Variants in CTTNBP2 observed in about 807,000 individuals in gnomAD.
The protein encoded by CTTNBP2 is cortactin-binding protein 2.
Under a neutral mutation model 156.9 loss-of-function variants are expected in CTTNBP2, and 108 were observed. That is an observed-to-expected ratio of 0.69 (90% confidence interval 0.59 to 0.81). The LOEUF (loss-of-function observed/expected upper bound fraction) is 0.81, where lower values mean the gene tolerates loss of function less well. Ranked by LOEUF, CTTNBP2 falls within the 30% of genes least tolerant of loss-of-function variation. CTTNBP2 has a pLI of 0.00. For missense variants in CTTNBP2, 1,924 were observed against 2,035.4 expected, an observed-to-expected ratio of 0.95 and a Z score of 1.05; for synonymous variants, 767 against 751.8, an observed-to-expected ratio of 1.02 and a Z score of -0.33.
At chr7:117,862,677 C>A (rs955935867) in intron 1 of CTTNBP2, among the ~76,000 whole-genome samples, 2 of 152,152 alleles carry the variant, frequency 1.3e-5, no homozygotes, top group African/African-American at 4.8e-5. Context: ...CAACATTTAT[C>A]CCCAAATCTC....
At chr7:117,832,566 T>G (rs1221717631) in intron 2 of CTTNBP2, among the ~76,000 whole-genome samples, 1 of 151,952 alleles carries the variant, frequency 6.6e-6, no homozygotes, top group Admixed American at 6.6e-5. Flanking sequence ...ACTCATCTCC[T>G]CCTTTCTCCC....
intron 8 of CTTNBP2, 98 bp from the exon 9 acceptor site, chr7:117,767,274 G>T (rs1388350152): frequency 4.1e-6 from 3 of 733,262 alleles, no homozygotes; most frequent in Non-Finnish European, 7.5e-6. Flanking sequence ...ATCACATCAA[G>T]AATTCATGGC....
Position 117,732,684 on chromosome 7 carries a change from AAACT to A in CTTNBP2, c.3876+2225_3876+2228del, listed in dbSNP as rs577399859. ...AAAAAAAAAAAAAAGTCAGGCACAG[AAACT>A]AACTTTGTATTTTACAAGAAAGAAG... On this transcript the variant is annotated intron_variant, in intron 16 of 22. Transcript: ENST00000160373. Among the ~76,000 whole-genome samples the A allele has an allele frequency of 7.1e-4, 108 of 151,842 alleles. 3 individuals are homozygous for A. The highest frequency in any genetic ancestry group is 2.5e-3 in the African/African-American group (104 of 41,466).
chr7:117,817,333 C>CAAAAAAAA (rs1165563266), intron 2 of CTTNBP2, among the ~76,000 whole-genome samples: 3 of 27,214 alleles, frequency 1.1e-4, no homozygotes, highest in Non-Finnish European at 1.7e-4. Flanking sequence ...GACTCCATCT[C>CAAAAAAAA]AAAAAAAAAA....
intron 2 of CTTNBP2, among the ~76,000 whole-genome samples, chr7:117,845,053 G>A (rs1485444442): frequency 6.6e-6 from 1 of 152,202 alleles, no homozygotes; most frequent in East Asian, 1.9e-4. Flanking sequence ...AGTGAGGGCA[G>A]TCAGCAAGGT....
At chr7:117,814,585 G>A (rs1463074569) in intron 2 of CTTNBP2, among the ~76,000 whole-genome samples, 5 of 151,976 alleles carry the variant, frequency 3.3e-5, no homozygotes, top group African/African-American at 9.7e-5. Context: ...GTGCCACTAC[G>A]CCCAGCTAAT....
intron 8 of CTTNBP2, among the ~76,000 whole-genome samples, chr7:117,775,915 T>A (rs1242078475): frequency 6.6e-6 from 1 of 152,200 alleles, no homozygotes; most frequent in Non-Finnish European, 1.5e-5. Context: ...ACAACAAAAC[T>A]ACTGCTAACA....
At chr7:117,759,196 A>G (rs1320881673) in intron 10 of CTTNBP2, among the ~76,000 whole-genome samples, 2 of 152,044 alleles carry the variant, frequency 1.3e-5, no homozygotes, top group African/African-American at 4.8e-5. Context: ...GCTGCCTCAA[A>G]CTCCTGGGCT....
At chr7:117,722,549 A>AT (rs1239296941) in intron 19 of CTTNBP2, among the ~76,000 whole-genome samples, 4 of 152,190 alleles carry the variant, frequency 2.6e-5, no homozygotes, top group African/African-American at 9.7e-5. Context: ...AATACAAATA[A>AT]TTTCAAGTCT....
intron 2 of CTTNBP2, among the ~76,000 whole-genome samples, chr7:117,858,896 A>G (rs1206259893): frequency 6.6e-6 from 1 of 152,136 alleles, no homozygotes; most frequent in African/African-American, 2.4e-5. Context: ...CTCACCCACC[A>G]CAAATCTGCT....
intron 5 of CTTNBP2, among the ~76,000 whole-genome samples, chr7:117,783,813 T>C (rs1798558333): frequency 1.3e-5 from 2 of 152,226 alleles, no homozygotes; most frequent in Non-Finnish European, 2.9e-5. Flanking sequence ...ATACCATTTA[T>C]AGTTACACAA....
At chr7:117,794,877 C>CTTTTTTTT (rs755340586) in intron 3 of CTTNBP2, among the ~76,000 whole-genome samples, 5 of 88,322 alleles carry the variant, frequency 5.7e-5, no homozygotes, top group Admixed American at 1.1e-4. Context: ...ATATGTATAT[C>CTTTTTTTT]TTTTTTTTTT....
intron 1 of CTTNBP2, among the ~76,000 whole-genome samples, chr7:117,864,960 C>T (rs1804065661): frequency 6.9e-6 from 1 of 145,598 alleles, no homozygotes; most frequent in African/African-American, 2.5e-5. Flanking sequence ...CATATATATT[C>T]ATTCAATATA....
At chr7:117,728,674 T>C (rs1795238327) in intron 16 of CTTNBP2, among the ~76,000 whole-genome samples, 1 of 152,222 alleles carries the variant, frequency 6.6e-6, no homozygotes, top group Non-Finnish European at 1.5e-5. Flanking sequence ...TTTTGATGTA[T>C]ACATTGTGAA....
chr7:117,778,912 C>T (rs1207222053), intron 7 of CTTNBP2, among the ~76,000 whole-genome samples: 1 of 152,108 alleles, frequency 6.6e-6, no homozygotes, highest in African/African-American at 2.4e-5. Context: ...CAGTAAGCTA[C>T]AGTACACTTT....
At chr7:117,723,377 T>C (rs768806519) in intron 19 of CTTNBP2, among the ~76,000 whole-genome samples, 3 of 152,194 alleles carry the variant, frequency 2.0e-5, no homozygotes, top group Non-Finnish European at 4.4e-5. Context: ...AGCAACTTTA[T>C]GTTTTTTAAA....
At chr7:117,810,144 T>C (rs966451879) in intron 3 of CTTNBP2, among the ~76,000 whole-genome samples, 1 of 152,088 alleles carries the variant, frequency 6.6e-6, no homozygotes, top group African/African-American at 2.4e-5. Flanking sequence ...AGGAGGTTGG[T>C]TTAAATGAAA....
chr7:117,711,530 G>T lies in CTTNBP2; in HGVS notation c.*7C>A, dbSNP rs1417902512. ...GGAAGTTAATAATGAGAATATTGTAGGCAGGCCTATTTGTTAGGTTTTTCT... is the reference window on the plus strand; with the variant it reads ...GGAAGTTAATAATGAGAATATTGTATGCAGGCCTATTTGTTAGGTTTTTCT... On this transcript the variant is annotated 3_prime_UTR_variant, in exon 23 of 23. Transcript: ENST00000160373. 2.5e-6 allele frequency: 4 copies of T among 1,609,924 alleles called. No homozygotes were observed. In the African/African-American group the frequency reaches 5.4e-5, roughly 22 times the overall value.
chr7:117,804,999 C>T (rs924046505), intron 3 of CTTNBP2, among the ~76,000 whole-genome samples: 4 of 152,182 alleles, frequency 2.6e-5, no homozygotes, highest in African/African-American at 4.8e-5. Context: ...TGTGGTCTCT[C>T]TTCTTGATTG....
Sources: gnomAD v4.1 joint callset for allele counts (sites outside exome capture counted in the v4.1 genomes callset) on GRCh38, gnomAD v4.1.1 for gene constraint, MANE v1.5 for transcripts, NCBI Gene and HGNC (gene_info 2026-07-23, HGNC 2026-07-21) for gene names.